Variants in EYA2 observed in about 807,000 individuals in gnomAD.
EYA2 encodes the protein protein phosphatase EYA2.
In EYA2, 31 loss-of-function variants were observed where a neutral mutation model predicts 69.2. The ratio of observed to expected loss-of-function variants is 0.45; its 90% CI spans 0.34 to 0.60. EYA2 has a LOEUF of 0.60. Among genes scored for constraint, EYA2 ranks in the 20% least tolerant of loss-of-function variants. The probability of loss-of-function intolerance (pLI) is 0.02; values close to 1 mark genes in which losing one functional copy is unlikely to be tolerated. For synonymous variants in EYA2, 257 were observed against 279.4 expected, an observed-to-expected ratio of 0.92 and a Z score of 0.80; for missense variants, 622 against 701.2, an observed-to-expected ratio of 0.89 and a Z score of 1.28.
intron 5 of EYA2, among the ~76,000 whole-genome samples, chr20:47,032,302 A>G (rs1177941595): frequency 6.6e-6 from 1 of 152,088 alleles, no homozygotes; most frequent in African/African-American, 2.4e-5. Flanking sequence ...TGATTTTTGT[A>G]TTATTTCCCA....
chr20:47,177,051 G>T (rs2034441739), intron 12 of EYA2, among the ~76,000 whole-genome samples: 1 of 152,104 alleles, frequency 6.6e-6, no homozygotes, highest in African/African-American at 2.4e-5. Context: ...GCCCGCCTCG[G>T]CCTCCAAAAG....
At chr20:47,154,284 A>T (rs1490832028) in intron 10 of EYA2, among the ~76,000 whole-genome samples, 3 of 151,998 alleles carry the variant, frequency 2.0e-5, no homozygotes, top group Non-Finnish European at 1.5e-5. Context: ...CACCAATCCC[A>T]TTGGGTTAGG....
At position 47,139,427 on chromosome 20, in the gene EYA2, TTTTTA is replaced by T. The variant is rs563109105; in HGVS notation, c.889-3617_889-3613del. On this transcript the variant is annotated intron_variant, in intron 9 of 15. Coordinates refer to ENST00000327619, the MANE Select transcript of EYA2 (RefSeq NM_005244.5). Reference sequence around the variant, plus strand: ...CTTTAAAAATGTAACCTCCAAATTATTTTTATTTTATTTTATTTTTTTGGTACGGA... The same window carrying T: ...CTTTAAAAATGTAACCTCCAAATTATTTTTATTTTATTTTTTTGGTACGGA... Among the ~76,000 whole-genome samples, 17 of 152,314 alleles carry T rather than the reference TTTTTA, an allele frequency of 1.1e-4. No homozygotes were observed. The East Asian group carries it at 2.5e-3, about 22-fold the overall frequency.
chr20:47,128,843 C>A (rs912501184), intron 9 of EYA2, among the ~76,000 whole-genome samples: 1 of 152,144 alleles, frequency 6.6e-6, no homozygotes. Context: ...AAAAAAATGG[C>A]CAGGCACGGT....
Position 47,090,316 on chromosome 20 carries a change from C to T in EYA2, c.804+935C>T, listed in dbSNP as rs527295022. ...GTGCAGTGGCACAATCTCGGCTCACCGCAACCTCCACCTCCCAGGTTCAAG... is the reference window on the plus strand; with the variant it reads ...GTGCAGTGGCACAATCTCGGCTCACTGCAACCTCCACCTCCCAGGTTCAAG... On this transcript the variant is annotated intron_variant, in intron 8 of 15. Coordinates refer to ENST00000327619, the MANE Select transcript of EYA2 (RefSeq NM_005244.5). Among the ~76,000 whole-genome samples the T allele has an allele frequency of 4.0e-5, 6 of 151,250 alleles. No homozygotes were observed. The East Asian group carries it at 1.2e-3, about 30-fold the overall frequency.
At chr20:47,045,098 A>G (rs2029964464) in intron 5 of EYA2, among the ~76,000 whole-genome samples, 1 of 152,192 alleles carries the variant, frequency 6.6e-6, no homozygotes, top group Non-Finnish European at 1.5e-5. Flanking sequence ...AACAGCAATA[A>G]TGGATCATTT....
chr20:46,984,897 A>G (rs917234049), intron 1 of EYA2, among the ~76,000 whole-genome samples: 6 of 152,354 alleles, frequency 3.9e-5, no homozygotes, highest in Admixed American at 1.3e-4. Context: ...CATAAATTCA[A>G]TAGAGTGGGT....
At chr20:46,990,178 A>G in intron 2 of EYA2, 59 bp downstream of exon 2, 1 of 899,054 alleles carries the variant, frequency 1.1e-6, no homozygotes, top group Non-Finnish European at 1.9e-6. Context: ...TCACCCTGAG[A>G]ATATCGTAAG....
At chr20:47,125,303 C>T (rs1357860928) in intron 9 of EYA2, among the ~76,000 whole-genome samples, 1 of 152,030 alleles carries the variant, frequency 6.6e-6, no homozygotes, top group South Asian at 2.1e-4. Context: ...GATCCGCCCG[C>T]CTCGGCCTCC....
chr20:47,031,622 C>T (rs1054070243), intron 5 of EYA2, among the ~76,000 whole-genome samples: 1 of 152,190 alleles, frequency 6.6e-6, no homozygotes, highest in Non-Finnish European at 1.5e-5. Flanking sequence ...CTTTTACTCC[C>T]AGAGGAATGA....
chr20:47,069,802 G>T (rs1425272574), intron 5 of EYA2, among the ~76,000 whole-genome samples: 1 of 151,800 alleles, frequency 6.6e-6, no homozygotes. Flanking sequence ...TTTTATAGTG[G>T]TCCTGGAACA....
intron 1 of EYA2, among the ~76,000 whole-genome samples, chr20:46,955,384 A>G (rs1749631382): frequency 6.6e-6 from 1 of 152,198 alleles, no homozygotes; most frequent in African/African-American, 2.4e-5. Context: ...GAATAAATAT[A>G]AGGACCACTT....
At chr20:46,929,152 CAAAAAAAAAA>C (rs11329475) in intron 1 of EYA2, among the ~76,000 whole-genome samples, 45 of 98,308 alleles carry the variant, frequency 4.6e-4, no homozygotes, top group South Asian at 1.0e-3. Flanking sequence ...ATAAGTTGTG[CAAAAAAAAAA>C]AAAAAAAAAA....
At chr20:46,967,402 A>C (rs1411551435) in intron 1 of EYA2, among the ~76,000 whole-genome samples, 2 of 152,234 alleles carry the variant, frequency 1.3e-5, no homozygotes, top group African/African-American at 2.4e-5. Context: ...TTAAATACTC[A>C]GCTGTTAATT....
At chr20:47,132,508 G>T (rs571529408) in intron 9 of EYA2, among the ~76,000 whole-genome samples, 1 of 152,178 alleles carries the variant, frequency 6.6e-6, no homozygotes, top group East Asian at 1.9e-4. Flanking sequence ...AAATCCTCAG[G>T]AGCCCTGGAA....
Position 46,996,141 on chromosome 20 carries a change from CA to C in EYA2, c.110-5286del, listed in dbSNP as rs1982004355. ...TTGTTGACTGCGTGAATGAATGAAA[CA>C]TGGTGTGTATCCTCGGGTAAGTTGC... On this transcript the variant is annotated intron_variant, in intron 2 of 15. Coordinates refer to ENST00000327619, the MANE Select transcript of EYA2 (RefSeq NM_005244.5). 2.6e-5 allele frequency among the ~76,000 whole-genome samples: 4 copies of C among 152,216 alleles called. No homozygotes were observed. In the South Asian group the frequency reaches 8.3e-4, roughly 32 times the overall value.
chr20:47,169,113 C>A lies in EYA2; in HGVS notation c.979-26C>A, dbSNP rs367820486. The A allele has an allele frequency of 2.3e-5, 37 of 1,610,132 alleles. No homozygotes were observed. The African/African-American group carries it at 4.8e-4, about 21-fold the overall frequency. ...TTAACCAGGCATGTTCTCTCTCTCT[C>A]TCTCTCTCTGTCAAATTTTCCATAG... On this transcript the variant is annotated intron_variant, in intron 10 of 15. Transcript: ENST00000327619.
At chr20:46,895,175 A>T (rs1482307399) in intron 1 of EYA2, among the ~76,000 whole-genome samples, 188 bp downstream of exon 1, 1 of 152,164 alleles carries the variant, frequency 6.6e-6, no homozygotes, top group Non-Finnish European at 1.5e-5. Flanking sequence ...GGCAGAGGGG[A>T]CAGCAGCAGA....
At chr20:47,105,379 C>T (rs2032544181) in intron 9 of EYA2, among the ~76,000 whole-genome samples, 1 of 152,180 alleles carries the variant, frequency 6.6e-6, no homozygotes, top group Admixed American at 6.5e-5. Context: ...AATCCCAGCA[C>T]TTTGGGAAGC....
Sources: gnomAD v4.1 joint callset for allele counts (sites outside exome capture counted in the v4.1 genomes callset) on GRCh38, gnomAD v4.1.1 for gene constraint, MANE v1.5 for transcripts, NCBI Gene and HGNC (gene_info 2026-07-23, HGNC 2026-07-21) for gene names.